The following AP4S1 variants were observed in gnomAD, a reference collection of about 807,000 sequenced individuals.
AP4S1 encodes AP-4 complex subunit sigma-1.
In AP4S1, 23 loss-of-function variants were observed where a neutral mutation model predicts 19.8. That is an observed-to-expected ratio of 1.16 (90% confidence interval 0.84 to 1.65). The LOEUF (loss-of-function observed/expected upper bound fraction) is 1.65. Among genes scored for constraint, AP4S1 ranks in the 40% most tolerant of loss-of-function variants. The probability of loss-of-function intolerance (pLI) is 0.00; values close to 1 mark genes in which losing one functional copy is unlikely to be tolerated. For synonymous variants in AP4S1, 46 were observed against 54.1 expected (o/e 0.85, Z 0.66); for missense variants, 166 against 172.8 (o/e 0.96, Z 0.22).
intron 5 of AP4S1, chr14:31,084,649 G>A (rs896823221): frequency 1.5e-5 from 22 of 1,512,238 alleles, no homozygotes; most frequent in East Asian, 4.8e-5. Context: ...CCACCCGCCC[G>A]GCTGAAGTGA....
At chr14:31,057,516 C>T (rs902427798) in intron 1 of AP4S1, among the ~76,000 whole-genome samples, 1 of 152,202 alleles carries the variant, frequency 6.6e-6, no homozygotes, top group African/African-American at 2.4e-5. Flanking sequence ...TTCGTTCAGC[C>T]TCTTCAATCT....
At chr14:31,046,785 G>T (rs1393262224) in intron 1 of AP4S1, among the ~76,000 whole-genome samples, 1 of 150,368 alleles carries the variant, frequency 6.7e-6, no homozygotes, top group Admixed American at 6.6e-5. Flanking sequence ...GGTGGAGCTT[G>T]CAGTGAGCCG....
At chr14:31,051,159 G>A (rs1478184888) in intron 1 of AP4S1, among the ~76,000 whole-genome samples, 7 of 151,392 alleles carry the variant, frequency 4.6e-5, no homozygotes, top group Admixed American at 3.3e-4. Flanking sequence ...AGGAGGCTGC[G>A]ACAGGAAGAT....
intron 5 of AP4S1, among the ~76,000 whole-genome samples, chr14:31,084,257 A>G (rs1887808409): frequency 6.6e-6 from 1 of 152,204 alleles, no homozygotes; most frequent in South Asian, 2.1e-4. Context: ...TCAAAACCTG[A>G]TCAATTCCCA....
rs1359093912 is a variant in AP4S1, at chr14:31,069,931, TAA to T, written c.225+3_225+4del. On this transcript the variant is annotated splice_donor_region_variant and intron_variant, in intron 3 of 5. Transcript: ENST00000542754. ...GTGGTTGGAGTTAATGACACTGAGG[TAA>T]GATAATAGAAGAGCCCTTGGAAAAT... is the stretch of plus-strand genomic sequence containing the variant. The T allele has an allele frequency of 6.2e-7, 1 of 1,603,536 alleles. No homozygotes were observed. Among genetic ancestry groups the T allele is most frequent in the Non-Finnish European group, 8.5e-7 (1 of 1,170,374 alleles).
At chr14:31,075,925 G>C (rs1279928052) in intron 4 of AP4S1, among the ~76,000 whole-genome samples, 3 of 151,954 alleles carry the variant, frequency 2.0e-5, no homozygotes, top group Non-Finnish European at 4.4e-5. Flanking sequence ...TTTTAGTAGA[G>C]ACGGGGTTTC....
chr14:31,041,132 G>T (rs1238760413), intron 1 of AP4S1, among the ~76,000 whole-genome samples: 2 of 151,292 alleles, frequency 1.3e-5, no homozygotes, highest in Non-Finnish European at 2.9e-5. Flanking sequence ...TATCTGGTTT[G>T]AAATATTTTG....
chr14:31,080,692 C>T, intron 5 of AP4S1, 108 bp downstream of exon 5: 1 of 1,485,856 alleles, frequency 6.7e-7, no homozygotes, highest in Non-Finnish European at 9.4e-7. Flanking sequence ...CCAGAGTGTT[C>T]ATCACCAACA....
intron 1 of AP4S1, among the ~76,000 whole-genome samples, chr14:31,040,970 G>A (rs1203685150): frequency 6.6e-6 from 1 of 151,226 alleles, no homozygotes; most frequent in Non-Finnish European, 1.5e-5. Flanking sequence ...AGCTACTCGG[G>A]AGGCTGAGGC....
At chr14:31,060,044 T>C (rs1886350201) in intron 1 of AP4S1, among the ~76,000 whole-genome samples, 1 of 147,496 alleles carries the variant, frequency 6.8e-6, no homozygotes, top group Non-Finnish European at 1.5e-5. Context: ...TATATGTATA[T>C]ATATTTATAT....
intron 1 of AP4S1, among the ~76,000 whole-genome samples, chr14:31,049,428 A>AAAAAAAATATATATATAT (rs1384450221): frequency 1.7e-5 from 1 of 57,742 alleles, no homozygotes; most frequent in Non-Finnish European, 2.9e-5. Context: ...AAAAAAAAAA[A>AAAAAAAATATATATATAT]ATATATATAT....
intron 1 of AP4S1, among the ~76,000 whole-genome samples, chr14:31,038,351 T>A (rs897100438): frequency 1.3e-5 from 2 of 152,314 alleles, no homozygotes; most frequent in Non-Finnish European, 1.5e-5. Flanking sequence ...AGCCACTTCT[T>A]TGACATTTTA....
rs567618695 is a variant in AP4S1 at position 31,059,655 on chromosome 14, G to A, written c.-71-6471G>A. Among the ~76,000 whole-genome samples, 15 of 152,164 alleles carry A rather than the reference G, an allele frequency of 9.9e-5. No homozygotes were observed. The South Asian group carries it at 2.5e-3, about 25-fold the overall frequency. ...ATTTGTGAGGCAAATAAAAGCAGCA[G>A]TTAATACCAAATGATTAAACACCAC... On this transcript the variant is annotated intron_variant, in intron 1 of 5. Coordinates refer to ENST00000542754, the MANE Select transcript of AP4S1 (RefSeq NM_001128126.3).
At chr14:31,043,663 C>T (rs570622845) in intron 1 of AP4S1, among the ~76,000 whole-genome samples, 14 of 152,076 alleles carry the variant, frequency 9.2e-5, no homozygotes, top group Admixed American at 5.9e-4. Context: ...ACTGAATCAT[C>T]GTAGAATTCA....
chr14:31,067,627 T>C (rs1337346191), intron 2 of AP4S1, among the ~76,000 whole-genome samples: 1 of 151,522 alleles, frequency 6.6e-6, no homozygotes, highest in East Asian at 1.9e-4. Flanking sequence ...CAAGCGATTC[T>C]CCCGCCTCAG....
intron 1 of AP4S1, among the ~76,000 whole-genome samples, chr14:31,044,413 A>G (rs141009216): frequency 1.3e-5 from 2 of 152,050 alleles, no homozygotes; most frequent in African/African-American, 4.8e-5. Context: ...ATAATCGTAG[A>G]TTACTGCAGC....
intron 1 of AP4S1, chr14:31,033,033 C>T (rs1257468034): frequency 6.6e-6 from 1 of 152,208 alleles, no homozygotes; most frequent in Non-Finnish European, 1.5e-5. Context: ...AGTTCTCACT[C>T]TTTACATCAG....
intron 1 of AP4S1, among the ~76,000 whole-genome samples, chr14:31,045,020 G>A (rs1885312612): frequency 6.6e-6 from 1 of 151,630 alleles, no homozygotes; most frequent in African/African-American, 2.4e-5. Context: ...TCGTGCCTCA[G>A]CCCCCCAAGT....
At chr14:31,042,363 A>G (rs1276024374) in intron 1 of AP4S1, among the ~76,000 whole-genome samples, 1 of 152,162 alleles carries the variant, frequency 6.6e-6, no homozygotes. Flanking sequence ...GATAGCAACA[A>G]CAGCACACAC....
Sources: gnomAD v4.1 joint callset for allele counts (sites outside exome capture counted in the v4.1 genomes callset) on GRCh38, gnomAD v4.1.1 for gene constraint, MANE v1.5 for transcripts, NCBI Gene and HGNC (gene_info 2026-07-23, HGNC 2026-07-21) for gene names.